Variants in CCNT2 observed in about 807,000 individuals in gnomAD.
The protein encoded by CCNT2 is cyclin T2.
Under a neutral mutation model 70.0 loss-of-function variants are expected in CCNT2, and 18 were observed. The observed-to-expected ratio is 0.26, with a 90% CI of 0.18 to 0.38. The LOEUF is 0.38. CCNT2 is among the 10% of genes least tolerant of loss of function. The pLI is 1.00. For missense variants in CCNT2, 734 were observed against 890.2 expected (o/e 0.82, Z 2.23); for synonymous variants, 334 against 313.3 (o/e 1.07, Z -0.70).
chr2:134,939,679 T>A (rs11895201), intron 4 of CCNT2, among the ~76,000 whole-genome samples: 35,072 of 152,062 alleles, frequency 0.23, 4,275 homozygotes, highest in East Asian at 0.4. Flanking sequence ...TTGCCCAGGC[T>A]GGACATGAAC....
In CCNT2 at chr2:134,954,575, G is replaced by A. The variant is rs759833063; in HGVS notation, c.2120G>A (p.Ser707Asn). 8 of 1,614,072 alleles carry A rather than the reference G, an allele frequency of 5.0e-6. No homozygotes were observed. Among genetic ancestry groups the A allele is most frequent in the South Asian group, 1.1e-5 (1 of 91,078 alleles). Residue 707 changes from serine to asparagine, a missense_variant, in exon 9 of 9, where the codon AGC becomes AAC. Around this residue, in one of 3 missense-constraint regions of CCNT2, gnomAD observed 532 missense variants for 556.9 expected, o/e 0.96. Coordinates refer to ENST00000264157, the MANE Select transcript of CCNT2 (RefSeq NM_058241.3). ...PDANHEYSTS[S>N]QHMDYKDTFD... The stretch of plus-strand genomic sequence containing the variant: ...GCCAATCACGAGTACAGTACAAGCA[G>A]CCAGCATATGGACTACAAAGACACA...
rs753899934 is a variant in CCNT2, at chr2:134,918,876, T to C, written c.22T>C (p.Ser8Pro). 1.2e-6 allele frequency: 2 copies of C among 1,613,554 alleles called. No individual in the cohort carries two copies. The highest frequency in any genetic ancestry group is 1.7e-5 in the Admixed American group (1 of 59,986). The part of the protein sequence containing the change: MASGRGA[S>P]SRWFFTREQL... ...TGTCATGGCGTCGGGCCGTGGAGCT[T>C]CTTCTCGCTGGTTCTTTACTCGGGA... Residue 8 changes from serine (S) to proline (P), a missense_variant, in exon 1 of 9, where the codon TCT (serine) becomes CCT (proline). Transcript: ENST00000264157.
intron 5 of CCNT2, chr2:134,943,698 T>C (rs1681737365): frequency 1.0e-6 from 1 of 985,088 alleles, no homozygotes; most frequent in Non-Finnish European, 1.2e-6. Flanking sequence ...GTTGTATCCC[T>C]AGAAATATTT....
chr2:134,921,116 C>T (rs1350060296), intron 2 of CCNT2, among the ~76,000 whole-genome samples: 1 of 152,144 alleles, frequency 6.6e-6, no homozygotes, highest in African/African-American at 2.4e-5. Context: ...TTGGTGATAA[C>T]ATTTAGATTA....
intron 5 of CCNT2, chr2:134,944,481 T>C (rs1681804844): frequency 1.0e-6 from 1 of 965,462 alleles, no homozygotes; most frequent in Non-Finnish European, 1.2e-6. Flanking sequence ...TTGTACAAGT[T>C]CTCCTACAAC....
At chr2:134,939,684 A>G (rs1241479359) in intron 4 of CCNT2, among the ~76,000 whole-genome samples, 1 of 152,016 alleles carries the variant, frequency 6.6e-6, no homozygotes, top group Non-Finnish European at 1.5e-5. Context: ...CAGGCTGGAC[A>G]TGAACTCCTG....
intron 7 of CCNT2, among the ~76,000 whole-genome samples, chr2:134,948,384 AT>A (rs1682159039): frequency 6.6e-6 from 1 of 152,336 alleles, no homozygotes; most frequent in African/African-American, 2.4e-5. Context: ...AGCTGACAAG[AT>A]AAGAATAGTG....
intron 2 of CCNT2, among the ~76,000 whole-genome samples, chr2:134,933,714 TA>T (rs1482263688): frequency 2.0e-5 from 3 of 152,168 alleles, no homozygotes; most frequent in Admixed American, 6.5e-5. Context: ...GAAGGGAATT[TA>T]AAAAATACAC....
intron 2 of CCNT2, among the ~76,000 whole-genome samples, chr2:134,936,488 T>G (rs955717383): frequency 6.6e-6 from 1 of 152,134 alleles, no homozygotes; most frequent in Non-Finnish European, 1.5e-5. Context: ...GTACAGGGGC[T>G]TATGCCTGTA....
chr2:134,931,734 A>G (rs1680786488), intron 2 of CCNT2, among the ~76,000 whole-genome samples: 1 of 152,124 alleles, frequency 6.6e-6, no homozygotes, highest in South Asian at 2.1e-4. Flanking sequence ...TGCAATGTTA[A>G]TGTTCTTGTT....
intron 5 of CCNT2, chr2:134,944,298 A>G (rs1681792285): frequency 1.0e-6 from 1 of 982,696 alleles, no homozygotes. Context: ...TAAGCATTGT[A>G]GCCATATAAT....
At position 134,953,903 on chromosome 2, in the gene CCNT2, A is replaced by G. The variant is rs140243084; in HGVS notation, c.1448A>G (p.Lys483Arg). The part of the protein sequence containing the change: ...ASSSSVTSPI[K>R]MKIPIANTEK... ...AGCAGTTCTGTTACTTCTCCCATTA[A>G]AATGAAAATACCTATCGCAAATACT... The change falls in exon 9 of 9, where the codon AAA becomes AGA. Residue 483 changes from lysine (K) to arginine (R), a missense_variant. By Grantham distance (26) the Lys-to-Arg change is conservative. Transcript: ENST00000264157. 3 of 1,613,832 alleles carry G rather than the reference A, an allele frequency of 1.9e-6. No individual in the cohort carries two copies. The highest frequency in any genetic ancestry group is 1.3e-5 in the African/African-American group (1 of 74,896).
chr2:134,946,266 G>A, intron 6 of CCNT2, 120 bp downstream of exon 6: 3 of 1,314,786 alleles, frequency 2.3e-6, no homozygotes, highest in Non-Finnish European at 3.2e-6. Flanking sequence ...ATCTACTGTG[G>A]TGGTACCTTC....
intron 5 of CCNT2, chr2:134,945,743 T>G (rs1681911511): frequency 7.7e-7 from 1 of 1,299,722 alleles, no homozygotes; most frequent in African/African-American, 1.5e-5. Flanking sequence ...TGTATTAGAC[T>G]TCAAAATCTT....
intron 4 of CCNT2, among the ~76,000 whole-genome samples, chr2:134,939,680 G>C (rs2105055986): frequency 6.6e-6 from 1 of 152,178 alleles, no homozygotes; most frequent in South Asian, 2.1e-4. Flanking sequence ...TGCCCAGGCT[G>C]GACATGAACT....
intron 4 of CCNT2, among the ~76,000 whole-genome samples, chr2:134,941,644 T>C (rs1386939888): frequency 6.6e-6 from 1 of 152,214 alleles, no homozygotes; most frequent in Non-Finnish European, 1.5e-5. Context: ...TAGCATGTTA[T>C]TGTTTTACTA....
chr2:134,943,181 G>A (rs776594654), intron 5 of CCNT2: 13 of 774,254 alleles, frequency 1.7e-5, no homozygotes, highest in African/African-American at 1.9e-5. Flanking sequence ...CAGGCTGATC[G>A]CTTGAGCTCA....
intron 5 of CCNT2, chr2:134,943,986 A>C: frequency 1.0e-6 from 1 of 967,430 alleles, no homozygotes; most frequent in Non-Finnish European, 1.2e-6. Context: ...TTTTATACCT[A>C]GTGATTTATT....
intron 2 of CCNT2, among the ~76,000 whole-genome samples, chr2:134,925,997 C>G (rs1333295677): frequency 6.6e-6 from 1 of 151,348 alleles, no homozygotes; most frequent in Non-Finnish European, 1.5e-5. Context: ...TCCCAAGTAG[C>G]TGGAATTACA....
Sources: allele counts gnomAD v4.1 joint callset (sites outside exome capture counted in the v4.1 genomes callset), GRCh38; gene constraint gnomAD v4.1.1; regional missense constraint gnomAD v4.1.1; transcripts MANE v1.5; gene names NCBI Gene and HGNC (gene_info 2026-07-23, HGNC 2026-07-21).